MAPK6: variants seen among roughly 807,000 people sequenced by gnomAD.
The protein encoded by MAPK6 is mitogen-activated protein kinase 6.
A neutral mutation model predicts 59.3 loss-of-function variants in MAPK6; 19 were observed. That is an observed-to-expected ratio of 0.32 (90% CI 0.22 to 0.47). MAPK6 has a LOEUF of 0.47. Ranked by LOEUF, MAPK6 falls within the 20% of genes least tolerant of loss-of-function variation. The pLI is 1.00. For synonymous variants in MAPK6, 316 were observed against 290.3 expected, an observed-to-expected ratio of 1.09 and a Z score of -0.90; for missense variants, 724 against 847.9, an observed-to-expected ratio of 0.85 and a Z score of 1.81.
chr15:52,007,320 T>C (rs1481452895), intron 3 of MAPK6, among the ~76,000 whole-genome samples: 1 of 152,034 alleles, frequency 6.6e-6, no homozygotes, highest in African/African-American at 2.4e-5. Context: ...TCTTCAGGGC[T>C]ATCTTCTGGG....
At chr15:52,013,524 C>G (rs756175529) in intron 3 of MAPK6, among the ~76,000 whole-genome samples, 1 of 152,152 alleles carries the variant, frequency 6.6e-6, no homozygotes, top group Non-Finnish European at 1.5e-5. Context: ...GTGGGAGCAA[C>G]TGGGTGACTT....
At position 52,024,179 on chromosome 15, in the gene MAPK6, G is replaced by A. The variant is rs1209573197; in HGVS notation, c.-632+4803G>A. Among the ~76,000 whole-genome samples the A allele has an allele frequency of 2.0e-5, 3 of 152,100 alleles. No homozygotes were observed. The East Asian group carries it at 5.8e-4, about 29-fold the overall frequency. On this transcript the variant is annotated intron_variant, in intron 1 of 5. Transcript: ENST00000261845. ...AATCATAAAACTTTAAAATATTAGT[G>A]TTTTGGAGGGGTCATGGGCATTATC...
intron 2 of MAPK6, among the ~76,000 whole-genome samples, chr15:51,990,845 T>A (rs1050047041): frequency 6.6e-6 from 1 of 152,116 alleles, no homozygotes; most frequent in African/African-American, 2.4e-5. Flanking sequence ...TCCCGGCTAC[T>A]CGGGAGGCTG....
rs1046675509 is a variant in MAPK6, at chr15:52,052,860, G to T, written c.700+2723G>T. On this transcript the variant is annotated intron_variant, in intron 3 of 5. Transcript: ENST00000261845. ...TGCTGTTGTAAATATTTGCGTACAA[G>T]TTTTTGTGTGAAAATATGTTTTCAG... Among the ~76,000 whole-genome samples, 71 of 152,224 alleles carry T rather than the reference G, an allele frequency of 4.7e-4. 1 individual carries two copies. Among genetic ancestry groups the T allele is most frequent in the Middle Eastern group, 3.4e-3 (1 of 294 alleles).
intron 2 of MAPK6, among the ~76,000 whole-genome samples, chr15:51,989,491 G>C (rs969301489): frequency 6.6e-6 from 1 of 152,128 alleles, no homozygotes; most frequent in African/African-American, 2.4e-5. Context: ...GCCAGTAAGA[G>C]TTTCTGTTAA....
At chr15:52,062,142 CA>C (rs1331584819) in intron 5 of MAPK6, among the ~76,000 whole-genome samples, 2 of 148,786 alleles carry the variant, frequency 1.3e-5, no homozygotes, top group Non-Finnish European at 1.5e-5. Context: ...TGCAGTGATG[CA>C]AGCTCAGCTC....
At position 52,065,050 on chromosome 15, in the gene MAPK6, CT is replaced by C. The variant is rs748273542; in HGVS notation, c.*57del. ...GTATTCTTCATGAAATGTGTTTTGT[CT>C]TTTTTTATTACTAGTGTTTAAGTCA... On this transcript the variant is annotated 3_prime_UTR_variant, in exon 6 of 6. Coordinates refer to ENST00000261845, the MANE Select transcript of MAPK6 (RefSeq NM_002748.4). 1.3e-6 allele frequency: 2 copies of C among 1,494,762 alleles called. No homozygotes were observed. The highest frequency in any genetic ancestry group is 1.8e-6 in the Non-Finnish European group (2 of 1,117,000). 92.6% of individuals were successfully genotyped at this position (1,494,762 alleles called of 1,614,324 possible). A position where few individuals can be genotyped will look rare whatever the true frequency, so the allele number is the denominator to read the frequency against.
chr15:52,053,335 C>T (rs536690522), intron 3 of MAPK6, among the ~76,000 whole-genome samples: 2 of 152,228 alleles, frequency 1.3e-5, no homozygotes, highest in East Asian at 3.9e-4. Flanking sequence ...CTTGGCCTCC[C>T]AAAGTGCAAG....
At chr15:52,055,910 CTT>C (rs2031964209) in intron 3 of MAPK6, among the ~76,000 whole-genome samples, 1 of 152,138 alleles carries the variant, frequency 6.6e-6, no homozygotes, top group Admixed American at 6.5e-5. Flanking sequence ...TTTTAAAACT[CTT>C]AAGTAGCATA....
chr15:52,040,687 C>T (rs541542707), intron 1 of MAPK6, among the ~76,000 whole-genome samples: 1 of 152,304 alleles, frequency 6.6e-6, no homozygotes, highest in South Asian at 2.1e-4. Context: ...ACCAGCATTA[C>T]TCTTGGTGTG....
chr15:52,034,806 T>C (rs746424233), intron 1 of MAPK6, among the ~76,000 whole-genome samples: 5 of 152,200 alleles, frequency 3.3e-5, no homozygotes, highest in Non-Finnish European at 7.3e-5. Flanking sequence ...CAAGTGATTC[T>C]CCTGCTTCAG....
intron 1 of MAPK6, among the ~76,000 whole-genome samples, chr15:52,041,745 T>G (rs947376232): frequency 1.3e-5 from 2 of 152,198 alleles, no homozygotes; most frequent in African/African-American, 4.8e-5. Flanking sequence ...CTAAGGTCAC[T>G]AGGAGAGCAT....
In MAPK6 at chr15:52,061,546, G is replaced by C. The variant is rs767459007; in HGVS notation, c.1067+46G>C. ...AAAAATAATATTTACTGAACTTTCA[G>C]TGGACCATATGTAGTGAGTTTTTTT... On this transcript the variant is annotated intron_variant, in intron 5 of 5. Transcript: ENST00000261845. 3.6e-6 allele frequency: 5 copies of C among 1,404,010 alleles called. No homozygotes were observed. The South Asian group carries it at 5.9e-5, about 17-fold the overall frequency. The allele number at this position is 1,404,010 out of a possible 1,614,324, so 87.0% of individuals were successfully genotyped here. A position where few individuals can be genotyped will look rare whatever the true frequency, so the allele number is the denominator to read the frequency against.
chr15:52,026,301 G>A (rs759645428), intron 1 of MAPK6, among the ~76,000 whole-genome samples: 2 of 151,966 alleles, frequency 1.3e-5, no homozygotes, highest in African/African-American at 2.4e-5. Flanking sequence ...TGTTGTTGTC[G>A]TTGTTTTGAG....
chr15:51,995,301 T>G (rs1402384440), intron 2 of MAPK6, among the ~76,000 whole-genome samples: 2 of 152,210 alleles, frequency 1.3e-5, no homozygotes, highest in Non-Finnish European at 2.9e-5. Context: ...TATACCTTGA[T>G]CAGCTGCTGG....
At chr15:51,984,585 G>A (rs140941448) in intron 2 of MAPK6, among the ~76,000 whole-genome samples, 81 of 150,744 alleles carry the variant, frequency 5.4e-4, no homozygotes, top group African/African-American at 1.8e-3. Flanking sequence ...TTACAGGCAT[G>A]AGCCACCGTG....
At chr15:52,042,043 C>G (rs970099015) in intron 1 of MAPK6, among the ~76,000 whole-genome samples, 1 of 152,172 alleles carries the variant, frequency 6.6e-6, no homozygotes, top group Non-Finnish European at 1.5e-5. Context: ...AATAATGGAA[C>G]GTGACTGAAT....
intron 2 of MAPK6, among the ~76,000 whole-genome samples, chr15:51,995,389 G>A (rs2057221521): frequency 6.6e-6 from 1 of 152,174 alleles, no homozygotes. Context: ...ACTGATTGCT[G>A]TCTGCTGACA....
intron 2 of MAPK6, among the ~76,000 whole-genome samples, chr15:51,987,762 C>CT (rs775968493): frequency 0.058 from 7,307 of 125,450 alleles, 797 homozygotes; most frequent in African/African-American, 0.17. Flanking sequence ...GCTCATAGTA[C>CT]TTTTTTTTTT....
Sources: allele counts gnomAD v4.1 joint callset (sites outside exome capture counted in the v4.1 genomes callset), GRCh38; gene constraint gnomAD v4.1.1; transcripts MANE v1.5; gene names NCBI Gene and HGNC (gene_info 2026-07-23, HGNC 2026-07-21).